Variants in TGFBRAP1 observed in about 807,000 individuals in gnomAD.
TGFBRAP1 encodes the protein transforming growth factor beta receptor associated protein 1, also known as transforming growth factor-beta receptor-associated protein 1.
Under a neutral mutation model 83.2 loss-of-function variants are expected in TGFBRAP1, and 20 were observed. The ratio of observed to expected loss-of-function variants is 0.24; its 90% CI spans 0.17 to 0.35. The LOEUF is 0.35. Among genes scored for constraint, TGFBRAP1 ranks in the 10% least tolerant of loss-of-function variants. TGFBRAP1 has a pLI of 1.00. For missense variants in TGFBRAP1, 950 were observed against 1,099.4 expected (o/e 0.86, Z 1.92); for synonymous variants, 415 against 459.8 (o/e 0.90, Z 1.25).
rs554089636 is a variant in TGFBRAP1 at position 105,280,019 on chromosome 2, C to T, written c.1463+363G>A. On this transcript the variant is annotated intron_variant, in intron 6 of 11. Transcript: ENST00000393359. ...CACCACTGTACTCCAGCCTGGGTGA[C>T]AGAGCGAGACTCCGTCTCAAAAAAA... Among the ~76,000 whole-genome samples, 4 of 148,560 alleles carry T rather than the reference C, an allele frequency of 2.7e-5. No homozygotes were observed. The South Asian group carries it at 8.5e-4, about 32-fold the overall frequency.
chr2:105,301,584 CA>C (rs531235403), intron 2 of TGFBRAP1, among the ~76,000 whole-genome samples: 1 of 150,594 alleles, frequency 6.6e-6, no homozygotes. Flanking sequence ...TAGACTCTCT[CA>C]AAAAAAAGAA....
chr2:105,315,862 A>G (rs1056740252), intron 1 of TGFBRAP1, among the ~76,000 whole-genome samples: 2 of 152,200 alleles, frequency 1.3e-5, no homozygotes, highest in African/African-American at 2.4e-5. Context: ...TCTTGGGTAT[A>G]TATCTATATC....
At chr2:105,294,307 GGTGT>G (rs3060066) in intron 4 of TGFBRAP1, among the ~76,000 whole-genome samples, 24,727 of 147,908 alleles carry the variant, frequency 0.17, 2,432 homozygotes, top group South Asian at 0.23. Context: ...TAGGAGTGAG[GGTGT>G]GTGTGTGTGT....
At chr2:105,268,043 G>C (rs35046128) in intron 11 of TGFBRAP1, among the ~76,000 whole-genome samples, 1 of 152,138 alleles carries the variant, frequency 6.6e-6, no homozygotes, top group African/African-American at 2.4e-5. Context: ...ACACCCTTCC[G>C]TTTCCTTAGA....
At chr2:105,250,511 C>A in the TGFBRAP1 span, among the ~76,000 whole-genome samples, 2 of 151,848 alleles carry the variant, frequency 1.3e-5, no homozygotes, top group Admixed American at 1.3e-4. Context: ...TTTCTCATTT[C>A]CTCCCTCATT....
Position 105,280,685 on chromosome 2 carries a change from T to A in TGFBRAP1, c.1160A>T (p.Tyr387Phe), listed in dbSNP as rs1677505907. The A allele has an allele frequency of 6.2e-7, 1 of 1,613,142 alleles. No individual in the cohort carries two copies. Among genetic ancestry groups the A allele is most frequent in the Non-Finnish European group, 8.5e-7 (1 of 1,179,848 alleles). The change falls in exon 6 of 12, where the codon TAC (tyrosine) becomes TTC (phenylalanine). Residue 387 changes from tyrosine (Y) to phenylalanine (F), a missense_variant. Coordinates refer to ENST00000393359, the MANE Select transcript of TGFBRAP1 (RefSeq NM_004257.6). ...GGAGGAGGTGGGCAACAGGAAGGGG[T>A]AGAGAGAGATCAGCTCCCGGACATC... is the stretch of plus-strand genomic sequence containing the variant. Reference protein sequence around the residue: ...QLDVRELISLYPFLLPTSSSF... With the variant: ...QLDVRELISLFPFLLPTSSSF...
At chr2:105,262,973 G>T (rs547442954), downstream of TGFBRAP1, among the ~76,000 whole-genome samples, 12 of 152,332 alleles carry the variant, frequency 7.9e-5, no homozygotes, top group South Asian at 1.7e-3. Flanking sequence ...AAGGCTGACA[G>T]ATCTGCTAAG....
the TGFBRAP1 span, among the ~76,000 whole-genome samples, chr2:105,255,911 A>C: frequency 6.6e-6 from 1 of 151,416 alleles, no homozygotes; most frequent in Non-Finnish European, 1.5e-5. Flanking sequence ...GTGCCTCTCC[A>C]TGTGGCCCTG....
chr2:105,328,636 G>T (rs1286360005), intron 1 of TGFBRAP1, among the ~76,000 whole-genome samples: 1 of 152,168 alleles, frequency 6.6e-6, no homozygotes, highest in South Asian at 2.1e-4. Context: ...CCTTCTCAGT[G>T]CCTTAACTTG....
intron 2 of TGFBRAP1, among the ~76,000 whole-genome samples, chr2:105,301,812 C>T (rs1300886258): frequency 6.6e-6 from 1 of 152,010 alleles, no homozygotes; most frequent in Non-Finnish European, 1.5e-5. Flanking sequence ...AATTACAGAG[C>T]AACACAGCCT....
Position 105,282,922 on chromosome 2 carries a change from G to A in TGFBRAP1, c.1121+1394C>T, listed in dbSNP as rs546664795. Among the ~76,000 whole-genome samples, 32 of 152,116 alleles carry A rather than the reference G, an allele frequency of 2.1e-4. 1 individual carries two copies. The highest frequency in any genetic ancestry group is 1.1e-3 in the Admixed American group (17 of 15,280). On this transcript the variant is annotated intron_variant, in intron 5 of 11. Transcript: ENST00000393359. ...TTAAGCCATTAAGAGAGTGAGGTGC[G>A]GAAGTACAGGAATGTCATCCTAATA...
intron 1 of TGFBRAP1, among the ~76,000 whole-genome samples, chr2:105,328,626 C>G (rs1679286058): frequency 6.6e-6 from 1 of 152,212 alleles, no homozygotes; most frequent in African/African-American, 2.4e-5. Flanking sequence ...TCCCTGCACA[C>G]CTTCTCAGTG....
At chr2:105,279,722 G>C (rs1677466747) in intron 6 of TGFBRAP1, among the ~76,000 whole-genome samples, 1 of 152,086 alleles carries the variant, frequency 6.6e-6, no homozygotes, top group South Asian at 2.1e-4. Flanking sequence ...TGAATACGAG[G>C]CTGACTACAA....
In TGFBRAP1 at chr2:105,266,572, C is replaced by G; in HGVS notation, c.*811G>C. The G allele has an allele frequency of 6.6e-6, 1 of 152,246 alleles. No individual in the cohort carries two copies. The highest frequency in any genetic ancestry group is 1.9e-4 in the East Asian group (1 of 5,200). 9.4% of individuals were successfully genotyped at this position (152,246 alleles called of 1,614,324 possible). A position where few individuals can be genotyped will look rare whatever the true frequency, so the allele number is the denominator to read the frequency against. On this transcript the variant is annotated 3_prime_UTR_variant, in exon 12 of 12. Transcript: ENST00000393359. The stretch of plus-strand genomic sequence containing the variant: ...GATGCCATGACAGGAAAGGAGCACA[C>G]AGCTGGGCCCTTGCCCGCCGTGGGT...
Position 105,308,096 on chromosome 2 carries a change from A to G in TGFBRAP1, c.206T>C (p.Leu69Pro), listed in dbSNP as rs759163350. 9 of 1,614,134 alleles carry G rather than the reference A, an allele frequency of 5.6e-6. No homozygotes were observed. Among genetic ancestry groups the G allele is most frequent in the Non-Finnish European group, 6.8e-6 (8 of 1,180,004 alleles). Residue 69 changes from leucine to proline, a missense_variant, in exon 2 of 12, where the codon CTG (leucine) becomes CCG (proline). Coordinates refer to ENST00000393359, the MANE Select transcript of TGFBRAP1 (RefSeq NM_004257.6). ...CTTCTTGAAGCCCAAGTGTCTCTGC[A>G]GCTGTTTGGTGGCAGTGAACGTGGC... The part of the protein sequence containing the change: ...GPATFTATKQ[L>P]QRHLGFKKPV...
Position 105,296,500 on chromosome 2 carries a change from G to C in TGFBRAP1, c.894C>G (p.Ile298Met), listed in dbSNP as rs923483752. 6.2e-7 allele frequency: 1 copy of C among 1,611,240 alleles called. No individual in the cohort carries two copies. The highest frequency in any genetic ancestry group is 2.2e-5 in the East Asian group (1 of 44,830). ...HILQDFEGRVIVATSKGVYIL... is the reference protein window; with the variant it reads ...HILQDFEGRVMVATSKGVYIL... ...TGTAAACTCCTTTACTTGTGGCAAC[G>C]ATCACTCTTCCTGTGAAGAAATTCA... The change falls in exon 4 of 12, where the codon ATC (isoleucine) becomes ATG (methionine). Residue 298 changes from isoleucine to methionine, a missense_variant. Ile to Met is a conservative substitution (Grantham distance 10). Coordinates refer to ENST00000393359, the MANE Select transcript of TGFBRAP1 (RefSeq NM_004257.6).
chr2:105,300,515 C>A (rs1049775841), intron 2 of TGFBRAP1, among the ~76,000 whole-genome samples: 6 of 148,568 alleles, frequency 4.0e-5, no homozygotes, highest in African/African-American at 1.2e-4. Context: ...CGGCTCACTG[C>A]AACCTCTGCC....
intron 4 of TGFBRAP1, among the ~76,000 whole-genome samples, chr2:105,291,082 T>C (rs1677897051): frequency 6.6e-6 from 1 of 152,170 alleles, no homozygotes; most frequent in Middle Eastern, 3.2e-3. Flanking sequence ...GGAATGCTTG[T>C]GTCTGTGTCT....
At chr2:105,268,497 A>G (rs922320726) in intron 11 of TGFBRAP1, among the ~76,000 whole-genome samples, 4 of 152,240 alleles carry the variant, frequency 2.6e-5, no homozygotes, top group Admixed American at 6.5e-5. Flanking sequence ...AAAGGTAAGA[A>G]TATCTCAGGC....
Sources: gnomAD v4.1 joint callset for allele counts (sites outside exome capture counted in the v4.1 genomes callset) on GRCh38, gnomAD v4.1.1 for gene constraint, MANE v1.5 for transcripts, NCBI Gene and HGNC (gene_info 2026-07-23, HGNC 2026-07-21) for gene names.